The following SYNPR variants were observed in gnomAD, a reference collection of about 807,000 sequenced individuals.
SYNPR encodes synaptoporin.
In SYNPR, 23 loss-of-function variants were observed where a neutral mutation model predicts 32.9. That is an observed-to-expected ratio of 0.70 (90% CI 0.50 to 0.99). The LOEUF is 0.99. Among genes scored for constraint, SYNPR ranks in the 50% least tolerant of loss-of-function variants. The pLI is 0.00. For missense variants in SYNPR, 318 were observed against 349.3 expected, an observed-to-expected ratio of 0.91 and a Z score of 0.71; for synonymous variants, 146 against 135.9, an observed-to-expected ratio of 1.07 and a Z score of -0.52.
chr3:63,508,232 C>T (rs1410441853), intron 3 of SYNPR, among the ~76,000 whole-genome samples: 1 of 152,110 alleles, frequency 6.6e-6, no homozygotes, highest in Non-Finnish European at 1.5e-5. Flanking sequence ...TAGACTCACC[C>T]TTCCTTCCTT....
intron 2 of SYNPR, among the ~76,000 whole-genome samples, chr3:63,389,335 T>C (rs1476759702): frequency 6.6e-6 from 1 of 152,092 alleles, no homozygotes; most frequent in Non-Finnish European, 1.5e-5. Context: ...ATTGTTAGGG[T>C]CAACGTATCT....
chr3:63,258,948 T>C (rs1417848079), intron 2 of SYNPR, among the ~76,000 whole-genome samples: 9 of 152,146 alleles, frequency 5.9e-5, no homozygotes, highest in Non-Finnish European at 1.5e-5. Context: ...TAAACACCTC[T>C]ATGCAAATAA....
At chr3:63,591,568 AAT>A in intron 4 of SYNPR, among the ~76,000 whole-genome samples, 1 of 128,452 alleles carries the variant, frequency 7.8e-6, no homozygotes, top group African/African-American at 3.0e-5. Flanking sequence ...AATGTCCAAC[AAT>A]GATAGACTGG....
intron 2 of SYNPR, among the ~76,000 whole-genome samples, chr3:63,298,094 A>G (rs760234872): frequency 6.6e-6 from 1 of 152,146 alleles, no homozygotes; most frequent in Non-Finnish European, 1.5e-5. Context: ...GGCCCCTCCC[A>G]TAATTCTAAT....
chr3:63,508,648 T>C (rs1701635629), intron 3 of SYNPR, among the ~76,000 whole-genome samples: 1 of 152,150 alleles, frequency 6.6e-6, no homozygotes, highest in African/African-American at 2.4e-5. Context: ...GAAAGTAATA[T>C]GACTGGCCTG....
rs1250329319 is a variant in SYNPR, at chr3:63,476,204, AGGAAGGAAGGAGGGAAG to A, written c.85-4621_85-4605del. Among the ~76,000 whole-genome samples the A allele has an allele frequency of 3.1e-3, 221 of 70,212 alleles. 17 individuals are homozygous for A. Among genetic ancestry groups the A allele is most frequent in the African/African-American group, 4.7e-3 (80 of 16,976 alleles). The allele number at this position is 70,212 out of a possible 152,430, so 46.1% of individuals were successfully genotyped here. A position where few individuals can be genotyped will look rare whatever the true frequency, so the allele number is the denominator to read the frequency against. On this transcript the variant is annotated intron_variant, in intron 2 of 5. Transcript: ENST00000478300. ...GAAGGGAAGGGAGGGAAGCAAGGGA[AGGAAGGAAGGAGGGAAG>A]GGAAGGGAAGGAAGGAAGGAAAGGA... is the stretch of plus-strand genomic sequence containing the variant.
intron 2 of SYNPR, among the ~76,000 whole-genome samples, chr3:63,456,191 C>G (rs1358495680): frequency 1.3e-5 from 2 of 152,024 alleles, no homozygotes; most frequent in African/African-American, 4.8e-5. Flanking sequence ...TGGGTCCTTC[C>G]CACAGCTTGT....
At chr3:63,323,266 A>G (rs2087130265) in intron 2 of SYNPR, among the ~76,000 whole-genome samples, 1 of 152,068 alleles carries the variant, frequency 6.6e-6, no homozygotes, top group Admixed American at 6.6e-5. Flanking sequence ...AGAAAGAGCC[A>G]AAGGTAATGC....
chr3:63,515,881 TA>T (rs1380861575), intron 3 of SYNPR, among the ~76,000 whole-genome samples: 12 of 152,030 alleles, frequency 7.9e-5, no homozygotes, highest in Admixed American at 2.0e-4. Context: ...AACATTAAAT[TA>T]TTTTTTTTAC....
At chr3:63,488,637 G>A (rs185873560) in intron 3 of SYNPR, among the ~76,000 whole-genome samples, 177 of 152,280 alleles carry the variant, frequency 1.2e-3, no homozygotes, top group African/African-American at 3.9e-3. Context: ...TGAGTTAGTC[G>A]TGTAGTACAG....
chr3:63,335,207 G>T (rs6772808), intron 2 of SYNPR, among the ~76,000 whole-genome samples: 33,213 of 151,892 alleles, frequency 0.22, 4,097 homozygotes, highest in South Asian at 0.38. Flanking sequence ...CAAAAAATTA[G>T]CCAGGCGTGG....
chr3:63,242,306 G>T (rs9871572), intron 1 of SYNPR, among the ~76,000 whole-genome samples: 2 of 151,718 alleles, frequency 1.3e-5, no homozygotes, highest in African/African-American at 4.8e-5. Context: ...TGCCTGTACC[G>T]AGAGGGTACC....
At chr3:63,567,863 G>C in intron 4 of SYNPR, among the ~76,000 whole-genome samples, 1 of 152,162 alleles carries the variant, frequency 6.6e-6, no homozygotes, top group East Asian at 1.9e-4. Flanking sequence ...AACTTAGAAT[G>C]CTCTTCCACG....
chr3:63,521,114 C>T (rs1701905934), intron 3 of SYNPR, among the ~76,000 whole-genome samples: 1 of 152,202 alleles, frequency 6.6e-6, no homozygotes, highest in East Asian at 1.9e-4. Flanking sequence ...TGTCTGCTCT[C>T]TCCATAATCC....
intron 2 of SYNPR, among the ~76,000 whole-genome samples, chr3:63,457,248 C>T (rs879592992): frequency 1.3e-5 from 2 of 152,118 alleles, no homozygotes; most frequent in African/African-American, 4.8e-5. Context: ...TTTGAGTAAA[C>T]TCTGACTACC....
At chr3:63,508,403 C>T (rs1701630445) in intron 3 of SYNPR, among the ~76,000 whole-genome samples, 1 of 152,014 alleles carries the variant, frequency 6.6e-6, no homozygotes, top group Non-Finnish European at 1.5e-5. Context: ...GTGATAAGTG[C>T]CAGGGGAGTA....
intron 4 of SYNPR, among the ~76,000 whole-genome samples, chr3:63,567,137 G>A (rs1702803438): frequency 6.6e-6 from 1 of 152,088 alleles, no homozygotes; most frequent in African/African-American, 2.4e-5. Flanking sequence ...CTAATGTATA[G>A]CTTCACTCTT....
At chr3:63,576,298 G>A (rs1051850320) in intron 4 of SYNPR, among the ~76,000 whole-genome samples, 14 of 152,114 alleles carry the variant, frequency 9.2e-5, no homozygotes, top group Non-Finnish European at 1.9e-4. Flanking sequence ...CTCTGAGTAC[G>A]TGAAACAAAT....
At chr3:63,573,804 T>G (rs1250744203) in intron 4 of SYNPR, among the ~76,000 whole-genome samples, 2 of 152,220 alleles carry the variant, frequency 1.3e-5, no homozygotes, top group Admixed American at 1.3e-4. Context: ...GTGAATTTTC[T>G]TGTCATCATT....
Sources: gnomAD v4.1 joint callset for allele counts (sites outside exome capture counted in the v4.1 genomes callset) on GRCh38, gnomAD v4.1.1 for gene constraint, MANE v1.5 for transcripts, NCBI Gene and HGNC (gene_info 2026-07-23, HGNC 2026-07-21) for gene names.